The following PTDSS1 variants were observed in gnomAD, a reference collection of about 807,000 sequenced individuals.
PTDSS1 encodes the protein phosphatidylserine synthase 1.
A neutral mutation model predicts 70.5 loss-of-function variants in PTDSS1; 45 were observed. The observed-to-expected ratio is 0.64, with a 90% CI of 0.50 to 0.82. PTDSS1 has a LOEUF of 0.82. PTDSS1 is among the 40% of genes least tolerant of loss of function. The pLI, the probability that PTDSS1 is intolerant of heterozygous loss-of-function variation, is 0.00. For missense variants in PTDSS1, 417 were observed against 586.1 expected (o/e 0.71, Z 2.98); for synonymous variants, 188 against 203.8 (o/e 0.92, Z 0.66).
intron 9 of PTDSS1, among the ~76,000 whole-genome samples, chr8:96,315,257 C>T (rs1376384395): frequency 6.6e-6 from 1 of 152,178 alleles, no homozygotes; most frequent in East Asian, 1.9e-4. Context: ...CTATTGGAGG[C>T]TGGGCCCTGG....
intron 5 of PTDSS1, among the ~76,000 whole-genome samples, chr8:96,296,765 A>T (rs1009098912): frequency 1.3e-5 from 2 of 152,188 alleles, no homozygotes; most frequent in African/African-American, 4.8e-5. Flanking sequence ...TTGCTTCCTT[A>T]GGTGAGTTAG....
intron 3 of PTDSS1, among the ~76,000 whole-genome samples, chr8:96,284,652 T>C (rs1274507669): frequency 2.0e-5 from 3 of 152,258 alleles, no homozygotes; most frequent in Non-Finnish European, 4.4e-5. Context: ...AAATATTGGA[T>C]GTCTTATTTT....
At chr8:96,274,314 T>A (rs2130010711) in intron 2 of PTDSS1, among the ~76,000 whole-genome samples, 1 of 152,286 alleles carries the variant, frequency 6.6e-6, no homozygotes, top group South Asian at 2.1e-4. Context: ...AAGAAGCTCA[T>A]TATGAATGTT....
Position 96,306,564 on chromosome 8 carries a change from T to A in PTDSS1, c.1007+8T>A. The A allele has an allele frequency of 6.3e-7, 1 of 1,577,914 alleles. No homozygotes were observed. Among genetic ancestry groups the A allele is most frequent in the East Asian group, 2.2e-5 (1 of 44,692 alleles). ...CACAGCTCCCACAGTGAGGTAATTC[T>A]GCACAAGCCTGACTGTCATATGAGA... On this transcript the variant is annotated splice_region_variant and intron_variant, in intron 8 of 12. Transcript: ENST00000517309.
At chr8:96,283,800 A>G in intron 2 of PTDSS1, 1 of 311,466 alleles carries the variant, frequency 3.2e-6, no homozygotes, top group Non-Finnish European at 5.9e-6. Context: ...GCCTAGCCTG[A>G]TGACCCACTC....
At chr8:96,304,320 T>C in intron 7 of PTDSS1, 139 bp downstream of exon 7, 1 of 1,055,264 alleles carries the variant, frequency 9.5e-7, no homozygotes, top group East Asian at 2.7e-5. Context: ...AGCTGGCATG[T>C]AGAATAATTA....
intron 11 of PTDSS1, 65 bp from the exon 12 acceptor site, chr8:96,330,961 T>G (rs1811506997): frequency 7.0e-7 from 1 of 1,431,952 alleles, no homozygotes; most frequent in African/African-American, 1.4e-5. Flanking sequence ...TGCTCGCCTT[T>G]TTGCCCTGCC....
chr8:96,299,793 A>T lies in PTDSS1; in HGVS notation c.700A>T (p.Met234Leu), dbSNP rs754291059. ...LCNGGGIWLG[M>L]VVCRFLEMRT... ...CAATGGCGGTGGCATTTGGCTGGGC[A>T]TGGTCGTTTGCCGGTTTTTAGAGAT... is the stretch of plus-strand genomic sequence containing the variant. The change falls in exon 6 of 13, where the codon ATG becomes TTG. Residue 234 changes from methionine to leucine, a missense_variant. Around this residue, in one of 3 missense-constraint regions of PTDSS1, gnomAD observed 272 missense variants for 429.5 expected, o/e 0.63. Coordinates refer to ENST00000517309, the MANE Select transcript of PTDSS1 (RefSeq NM_014754.3). 3.7e-6 allele frequency: 6 copies of T among 1,614,000 alleles called. No homozygotes were observed. In the African/African-American group the frequency reaches 4.0e-5, roughly 11 times the overall value.
intron 2 of PTDSS1, among the ~76,000 whole-genome samples, chr8:96,283,437 C>T (rs1160761488): frequency 6.6e-6 from 1 of 152,142 alleles, no homozygotes; most frequent in Non-Finnish European, 1.5e-5. Flanking sequence ...AAGTATTGGC[C>T]TATCACTTGT....
intron 3 of PTDSS1, among the ~76,000 whole-genome samples, chr8:96,285,793 T>C (rs1810814514): frequency 6.6e-6 from 1 of 152,140 alleles, no homozygotes; most frequent in African/African-American, 2.4e-5. Flanking sequence ...AACTCCAGAT[T>C]GAGAATCCCT....
intron 10 of PTDSS1, among the ~76,000 whole-genome samples, chr8:96,326,282 T>C (rs762353548): frequency 6.6e-6 from 1 of 152,186 alleles, no homozygotes; most frequent in Non-Finnish European, 1.5e-5. Flanking sequence ...TGCTCTGACC[T>C]CCAAGGCAAG....
Position 96,335,631 on chromosome 8 carries a change from A to T in PTDSS1, c.*2065A>T, listed in dbSNP as rs1166087702. The T allele has an allele frequency of 6.6e-6, 1 of 152,232 alleles. No individual in the cohort carries two copies. The highest frequency in any genetic ancestry group is 1.5e-5 in the Non-Finnish European group (1 of 68,052). 9.4% of individuals were successfully genotyped at this position (152,232 alleles called of 1,614,324 possible). On this transcript the variant is annotated 3_prime_UTR_variant, in exon 13 of 13. Coordinates refer to ENST00000517309, the MANE Select transcript of PTDSS1 (RefSeq NM_014754.3). ...CTCCATGGCTTTGTAAGAAACAGCC[A>T]GGAAAGTTCTCAGATACTTTCCATG...
At chr8:96,264,125 A>C in intron 1 of PTDSS1, among the ~76,000 whole-genome samples, 1 of 152,224 alleles carries the variant, frequency 6.6e-6, no homozygotes, top group South Asian at 2.1e-4. Flanking sequence ...AGAGAAATGA[A>C]TCATGTCCCT....
intron 6 of PTDSS1, among the ~76,000 whole-genome samples, chr8:96,302,097 C>T (rs1314204502): frequency 1.3e-5 from 2 of 152,168 alleles, no homozygotes; most frequent in East Asian, 1.9e-4. Flanking sequence ...CAACTCACTG[C>T]AGTCTCCACT....
At chr8:96,319,280 G>A (rs1282773894) in intron 9 of PTDSS1, among the ~76,000 whole-genome samples, 1 of 152,022 alleles carries the variant, frequency 6.6e-6, no homozygotes, top group Admixed American at 6.5e-5. Flanking sequence ...ATCTCATCTT[G>A]AGCAAGGAAT....
At chr8:96,328,731 C>A (rs190609083) in intron 10 of PTDSS1, among the ~76,000 whole-genome samples, 1 of 152,118 alleles carries the variant, frequency 6.6e-6, no homozygotes, top group South Asian at 2.1e-4. Context: ...CAGGAAATGT[C>A]GCTGATAAAG....
At chr8:96,276,904 G>T (rs764778616) in intron 2 of PTDSS1, among the ~76,000 whole-genome samples, 1 of 151,328 alleles carries the variant, frequency 6.6e-6, no homozygotes, top group Non-Finnish European at 1.5e-5. Context: ...CCTTCCTACT[G>T]TCTCCTGTTT....
Position 96,303,933 on chromosome 8 carries a change from C to T in PTDSS1, c.753-107C>T, listed in dbSNP as rs114797543. The T allele has an allele frequency of 1.2e-3, 1,465 of 1,240,184 alleles. 13 individuals are homozygous for T. In the African/African-American group the frequency reaches 0.019, roughly 16 times the overall value. 76.8% of individuals were successfully genotyped at this position (1,240,184 alleles called of 1,614,324 possible). A position where few individuals can be genotyped will look rare whatever the true frequency, so the allele number is the denominator to read the frequency against. ...TCAAATAAAAAGCAGTCTCTTTGTC[C>T]TGAGCATTTATTATAAAAATCATCA... On this transcript the variant is annotated intron_variant, in intron 6 of 12. Coordinates refer to ENST00000517309, the MANE Select transcript of PTDSS1 (RefSeq NM_014754.3).
intron 5 of PTDSS1, 37 bp from the exon 6 acceptor site, chr8:96,299,657 G>A: frequency 1.9e-6 from 3 of 1,564,590 alleles, no homozygotes; most frequent in Non-Finnish European, 2.6e-6. Flanking sequence ...CCCCAGTTTT[G>A]TTTATTTTTC....
Sources: allele counts gnomAD v4.1 joint callset (sites outside exome capture counted in the v4.1 genomes callset), GRCh38; gene constraint gnomAD v4.1.1; regional missense constraint gnomAD v4.1.1; transcripts MANE v1.5; gene names NCBI Gene and HGNC (gene_info 2026-07-23, HGNC 2026-07-21).